Variants in ROBO2 observed in about 807,000 individuals in gnomAD.
The protein encoded by ROBO2 is roundabout homolog 2.
Under a neutral mutation model 160.8 loss-of-function variants are expected in ROBO2, and 53 were observed. The ratio of observed to expected loss-of-function variants is 0.33; its 90% CI spans 0.26 to 0.41. The LOEUF is 0.41. Among genes scored for constraint, ROBO2 ranks in the 10% least tolerant of loss-of-function variants. The probability of loss-of-function intolerance (pLI) is 1.00; values close to 1 mark genes in which losing one functional copy is unlikely to be tolerated. For synonymous variants in ROBO2, 664 were observed against 611.7 expected (o/e 1.09, Z -1.26); for missense variants, 1,577 against 1,722.4 (o/e 0.92, Z 1.49).
chr3:76,728,503 A>G (rs1560455344), intron 2 of ROBO2, among the ~76,000 whole-genome samples: 1 of 152,218 alleles, frequency 6.6e-6, no homozygotes, highest in South Asian at 2.1e-4. Context: ...ACATTAGTAA[A>G]TCATTAAATC....
chr3:76,557,718 C>G (rs551551541), intron 2 of ROBO2, among the ~76,000 whole-genome samples: 43 of 149,834 alleles, frequency 2.9e-4, no homozygotes, highest in Non-Finnish European at 4.7e-4. Context: ...TTGCCGTACA[C>G]TGACTTCTTG....
intron 2 of ROBO2, among the ~76,000 whole-genome samples, chr3:76,236,077 C>G (rs1444969534): frequency 6.6e-6 from 1 of 152,042 alleles, no homozygotes; most frequent in Non-Finnish European, 1.5e-5. Context: ...TCAGATAATT[C>G]AGGTCCTCAG....
At chr3:77,093,402 A>G (rs966435338) in intron 1 of ROBO2, among the ~76,000 whole-genome samples, 4 of 152,134 alleles carry the variant, frequency 2.6e-5, no homozygotes, top group Admixed American at 2.0e-4. Flanking sequence ...CTGACAACTC[A>G]GCTTTATTTT....
At chr3:76,806,043 T>G (rs2064680404) in intron 2 of ROBO2, among the ~76,000 whole-genome samples, 2 of 151,928 alleles carry the variant, frequency 1.3e-5, no homozygotes, top group South Asian at 4.1e-4. Flanking sequence ...TATATCTGGG[T>G]GATTTTAATT....
intron 2 of ROBO2, among the ~76,000 whole-genome samples, chr3:76,889,538 A>G (rs2148807344): frequency 6.6e-6 from 1 of 152,328 alleles, no homozygotes; most frequent in South Asian, 2.1e-4. Flanking sequence ...ATGCAAATAA[A>G]TTCAATAGCT....
intron 2 of ROBO2, among the ~76,000 whole-genome samples, chr3:76,355,292 G>A (rs141623710): frequency 2.4e-3 from 366 of 151,862 alleles, no homozygotes; most frequent in Non-Finnish European, 4.3e-3. Flanking sequence ...TTAGGAAATT[G>A]TATGTAGGTT....
intron 2 of ROBO2, among the ~76,000 whole-genome samples, chr3:76,008,433 A>G (rs892766450): frequency 6.6e-6 from 1 of 152,154 alleles, no homozygotes; most frequent in African/African-American, 2.4e-5. Flanking sequence ...AAGTATTAGC[A>G]GTGTCGATGC....
intron 2 of ROBO2, among the ~76,000 whole-genome samples, chr3:76,379,204 GA>G (rs2076500026): frequency 1.3e-5 from 2 of 152,000 alleles, no homozygotes; most frequent in Non-Finnish European, 2.9e-5. Flanking sequence ...AGAAGTAATC[GA>G]TATTATAAGC....
chr3:76,685,217 A>C (rs1480920015), intron 2 of ROBO2, among the ~76,000 whole-genome samples: 5 of 143,500 alleles, frequency 3.5e-5, no homozygotes, highest in African/African-American at 1.3e-4. Flanking sequence ...TTTTCCAGTA[A>C]TTTCAGCTTA....
At chr3:77,380,037 A>G (rs79393150) in intron 2 of ROBO2, among the ~76,000 whole-genome samples, 6,717 of 152,274 alleles carry the variant, frequency 0.044, 333 homozygotes, top group East Asian at 0.19. Flanking sequence ...ACGGATAGTC[A>G]CTTCTAAAGC....
chr3:75,964,942 T>G (rs1949050666), intron 2 of ROBO2: 1 of 149,620 alleles, frequency 6.7e-6, no homozygotes, highest in Admixed American at 6.7e-5. Flanking sequence ...ATTATCCAAC[T>G]GTCAATTTAT....
At chr3:77,013,572 G>C (rs1010892743) in intron 2 of ROBO2, among the ~76,000 whole-genome samples, 3 of 152,068 alleles carry the variant, frequency 2.0e-5, no homozygotes, top group Middle Eastern at 3.2e-3. Context: ...AATCCTGTAG[G>C]TAGAAACAGC....
chr3:76,372,371 C>T (rs2076147878), intron 2 of ROBO2, among the ~76,000 whole-genome samples: 1 of 151,824 alleles, frequency 6.6e-6, no homozygotes, highest in South Asian at 2.1e-4. Context: ...TACAATCTAG[C>T]TGATTTCTAC....
chr3:76,603,849 C>T (rs546145755), intron 2 of ROBO2, among the ~76,000 whole-genome samples: 12 of 152,134 alleles, frequency 7.9e-5, no homozygotes, highest in Admixed American at 2.6e-4. Context: ...TATGAATTTG[C>T]TTGATAGTTT....
At chr3:76,321,193 G>A (rs2072492790) in intron 2 of ROBO2, among the ~76,000 whole-genome samples, 1 of 152,088 alleles carries the variant, frequency 6.6e-6, no homozygotes, top group Admixed American at 6.6e-5. Context: ...TTCAAACAAT[G>A]ATAACTGCAA....
At chr3:76,331,873 G>A (rs1380861616) in intron 2 of ROBO2, among the ~76,000 whole-genome samples, 5 of 151,668 alleles carry the variant, frequency 3.3e-5, no homozygotes, top group African/African-American at 7.3e-5. Flanking sequence ...TAGTAGAGAC[G>A]GAGTTTCACT....
At chr3:76,902,064 T>C (rs1166990) in intron 2 of ROBO2, among the ~76,000 whole-genome samples, 81,604 of 151,672 alleles carry the variant, frequency 0.54, 22,527 homozygotes, top group African/African-American at 0.65. Flanking sequence ...TTTTGGTATA[T>C]TGTTTTCCTC....
chr3:77,054,599 T>C (rs1436301454), intron 1 of ROBO2, among the ~76,000 whole-genome samples: 1 of 152,172 alleles, frequency 6.6e-6, no homozygotes, highest in Admixed American at 6.5e-5. Context: ...TGAGATTCTC[T>C]GCTTGCTGCA....
At chr3:77,369,816 G>A (rs2071473882) in intron 2 of ROBO2, among the ~76,000 whole-genome samples, 1 of 152,148 alleles carries the variant, frequency 6.6e-6, no homozygotes, top group African/African-American at 2.4e-5. Context: ...TTCTTGCAAG[G>A]AGTTATTCAC....
Sources: allele counts gnomAD v4.1 joint callset (sites outside exome capture counted in the v4.1 genomes callset), GRCh38; gene constraint gnomAD v4.1.1; transcripts MANE v1.5; gene names NCBI Gene and HGNC (gene_info 2026-07-23, HGNC 2026-07-21).